The following ZNF385D variants were observed in gnomAD, a reference collection of about 807,000 sequenced individuals.
ZNF385D encodes zinc finger protein 385D, also known as zinc finger protein 659.
Under a neutral mutation model 35.8 loss-of-function variants are expected in ZNF385D, and 15 were observed. That is an observed-to-expected ratio of 0.42 (90% CI 0.28 to 0.64). The LOEUF (loss-of-function observed/expected upper bound fraction) is 0.64, where lower values mean the gene tolerates loss of function less well. Among genes scored for constraint, ZNF385D ranks in the 30% least tolerant of loss-of-function variants. The pLI is 0.23. For synonymous variants in ZNF385D, 212 were observed against 186.8 expected (o/e 1.13, Z -1.10); for missense variants, 474 against 494.6 (o/e 0.96, Z 0.39).
chr3:22,153,094 A>G (rs1705352771), intron 3 of ZNF385D, among the ~76,000 whole-genome samples: 3 of 152,148 alleles, frequency 2.0e-5, no homozygotes, highest in Non-Finnish European at 4.4e-5. Context: ...TACTGCATAC[A>G]ACCATTTTCT....
At chr3:22,238,290 T>C (rs953046887) in intron 2 of ZNF385D, among the ~76,000 whole-genome samples, 4 of 150,992 alleles carry the variant, frequency 2.6e-5, no homozygotes, top group Middle Eastern at 3.4e-3. Context: ...ATTTTGGCTA[T>C]TGGGGGTCCC....
chr3:21,964,810 A>G (rs1422256883), intron 3 of ZNF385D, among the ~76,000 whole-genome samples: 1 of 152,190 alleles, frequency 6.6e-6, no homozygotes, highest in Admixed American at 6.5e-5. Flanking sequence ...CAGATCTTGA[A>G]GTAACATAAT....
chr3:22,190,401 C>A (rs981153436), intron 2 of ZNF385D, among the ~76,000 whole-genome samples: 2 of 152,130 alleles, frequency 1.3e-5, no homozygotes, highest in Non-Finnish European at 2.9e-5. Context: ...GTTTTAAATT[C>A]ATGTATTAGT....
At chr3:22,273,333 G>C (rs1701273069) in intron 2 of ZNF385D, among the ~76,000 whole-genome samples, 1 of 151,930 alleles carries the variant, frequency 6.6e-6, no homozygotes, top group Non-Finnish European at 1.5e-5. Flanking sequence ...GCAGACATTA[G>C]TCCTTTTTTT....
At chr3:22,314,316 C>G (rs1703762962) in intron 2 of ZNF385D, among the ~76,000 whole-genome samples, 1 of 152,052 alleles carries the variant, frequency 6.6e-6, no homozygotes. Flanking sequence ...TCGTATCATT[C>G]TTATGCCTTT....
intron 2 of ZNF385D, among the ~76,000 whole-genome samples, chr3:21,566,132 T>C (rs1430762501): frequency 6.6e-6 from 1 of 152,246 alleles, no homozygotes; most frequent in East Asian, 1.9e-4. Context: ...TTAGCATTTA[T>C]TATAATGCTT....
intron 3 of ZNF385D, among the ~76,000 whole-genome samples, chr3:22,151,420 G>A (rs968677817): frequency 2.6e-5 from 4 of 152,102 alleles, no homozygotes; most frequent in African/African-American, 4.8e-5. Context: ...GGTTGAGGAG[G>A]TGAATAATTA....
chr3:21,976,505 A>G (rs1703633405), intron 3 of ZNF385D, among the ~76,000 whole-genome samples: 1 of 152,172 alleles, frequency 6.6e-6, no homozygotes, highest in Non-Finnish European at 1.5e-5. Flanking sequence ...AAGATAGATC[A>G]AAAGAAAATA....
intron 2 of ZNF385D, among the ~76,000 whole-genome samples, chr3:22,267,281 T>C (rs984696641): frequency 2.0e-5 from 3 of 151,870 alleles, no homozygotes; most frequent in Non-Finnish European, 2.9e-5. Flanking sequence ...AAAATTTAGG[T>C]GTATTTAAAT....
chr3:22,189,829 T>C (rs1347854290), intron 2 of ZNF385D, among the ~76,000 whole-genome samples: 2 of 152,176 alleles, frequency 1.3e-5, no homozygotes, highest in African/African-American at 4.8e-5. Context: ...GCCCAGCCAA[T>C]TCTACATTGC....
chr3:21,779,733 G>A (rs1280495968), intron 3 of ZNF385D, among the ~76,000 whole-genome samples: 1 of 151,886 alleles, frequency 6.6e-6, no homozygotes, highest in African/African-American at 2.4e-5. Context: ...AAAGAATAAG[G>A]AGGATGAAAC....
chr3:21,655,033 A>G (rs2066032213), intron 2 of ZNF385D, among the ~76,000 whole-genome samples: 1 of 151,890 alleles, frequency 6.6e-6, no homozygotes, highest in African/African-American at 2.4e-5. Context: ...GGATTTTCCC[A>G]CTAATTTTGG....
In ZNF385D at chr3:21,471,663, A is replaced by G. The variant is rs569607663; in HGVS notation, c.440-34460T>C. On this transcript the variant is annotated intron_variant, in intron 4 of 7. Coordinates refer to ENST00000281523, the MANE Select transcript of ZNF385D (RefSeq NM_024697.3). ...CACCCCTCGAGTTAAACATCAAAAT[A>G]TTTTTTGTTACAGTCAGTTTTGTCT... 5.3e-5 allele frequency among the ~76,000 whole-genome samples: 8 copies of G among 152,210 alleles called. No homozygotes were observed. In the East Asian group the frequency reaches 1.5e-3, roughly 29 times the overall value.
chr3:22,103,387 C>A (rs566594791), intron 3 of ZNF385D, among the ~76,000 whole-genome samples: 6 of 151,968 alleles, frequency 3.9e-5, no homozygotes, highest in Non-Finnish European at 8.8e-5. Flanking sequence ...AATTATAGAC[C>A]TACAAAGTAA....
At chr3:21,961,009 T>C (rs946302220) in intron 3 of ZNF385D, among the ~76,000 whole-genome samples, 4 of 152,088 alleles carry the variant, frequency 2.6e-5, no homozygotes, top group Admixed American at 2.0e-4. Flanking sequence ...TGTGGTGCTA[T>C]AGGTTGATAT....
intron 2 of ZNF385D, among the ~76,000 whole-genome samples, chr3:22,365,899 G>C (rs1696635803): frequency 1.3e-5 from 2 of 151,976 alleles, no homozygotes; most frequent in African/African-American, 4.8e-5. Flanking sequence ...TGTTTCTGTT[G>C]TTATTATTAT....
rs544113994 is a variant in ZNF385D at position 22,129,905 on chromosome 3, A to C, written c.325+38912T>G. Among the ~76,000 whole-genome samples, 277 of 152,254 alleles carry C rather than the reference A, an allele frequency of 1.8e-3. 1 individual carries two copies. The highest frequency in any genetic ancestry group is 0.014 in the South Asian group (66 of 4,820). ...AGGAGTCTCTTCTTATGGTCACCACAGCTGGGAGTGTCCTGGGTCACACCT... is the reference window on the plus strand; with the variant it reads ...AGGAGTCTCTTCTTATGGTCACCACCGCTGGGAGTGTCCTGGGTCACACCT... On this transcript the variant is annotated intron_variant, in intron 3 of 5. Transcript: ENST00000494108.
intron 3 of ZNF385D, among the ~76,000 whole-genome samples, chr3:21,995,211 G>T (rs930595223): frequency 9.9e-5 from 15 of 152,224 alleles, no homozygotes; most frequent in Non-Finnish European, 1.5e-5. Flanking sequence ...CCTCCAGGTA[G>T]CATATGTGGT....
chr3:21,646,184 T>TTTTTAGGGTGTATAAA lies in ZNF385D; in HGVS notation c.165+18701_165+18702insTTTATACACCCTAAAA, dbSNP rs1429676519. Among the ~76,000 whole-genome samples, 1 of 152,160 alleles carries TTTTTAGGGTGTATAAA rather than the reference T, an allele frequency of 6.6e-6. No individual in the cohort carries two copies. The highest frequency in any genetic ancestry group is 2.4e-5 in the African/African-American group (1 of 41,442). ...AAAGTTAAGGAAGGGAGATGTATAA[T>TTTTTAGGGTGTATAAA]TTTTAGGGTGTCAAAACCGGCCATG... On this transcript the variant is annotated intron_variant, in intron 2 of 7. Transcript: ENST00000281523. The surrounding 1 kb of genome is among the most constrained non-coding windows in gnomAD (Gnocchi z 4.3).
Sources: gnomAD v4.1 joint callset for allele counts (sites outside exome capture counted in the v4.1 genomes callset) on GRCh38, gnomAD v4.1.1 for gene constraint, Gnocchi (gnomAD v3.1) non-coding constraint, MANE v1.5 for transcripts, NCBI Gene and HGNC (gene_info 2026-07-23, HGNC 2026-07-21) for gene names.